Variants in SDK1 observed in about 807,000 individuals in gnomAD.
SDK1 encodes sidekick cell adhesion molecule 1.
Under a neutral mutation model 245.5 loss-of-function variants are expected in SDK1, and 157 were observed. The observed-to-expected ratio is 0.64, with a 90% confidence interval of 0.56 to 0.73. The LOEUF is 0.73. Among genes scored for constraint, SDK1 ranks in the 30% least tolerant of loss-of-function variants. The pLI, the probability that SDK1 is intolerant of heterozygous loss-of-function variation, is 0.00. For synonymous variants in SDK1, 1,647 were observed against 1,278.5 expected (o/e 1.29, Z -6.15); for missense variants, 3,583 against 3,002.3 (o/e 1.19, Z -4.52).
At chr7:3,547,076 T>C (rs1165244239) in intron 1 of SDK1, among the ~76,000 whole-genome samples, 1 of 152,176 alleles carries the variant, frequency 6.6e-6, no homozygotes, top group Non-Finnish European at 1.5e-5. Flanking sequence ...CATTTTTCTT[T>C]TAAGGTGTGT....
chr7:3,402,179 G>C (rs1330332893), intron 1 of SDK1, among the ~76,000 whole-genome samples: 2 of 152,164 alleles, frequency 1.3e-5, no homozygotes, highest in African/African-American at 4.8e-5. Flanking sequence ...ATGTGGCTCA[G>C]TATCCTGCAC....
At chr7:4,215,397 G>C (rs990662253) in intron 38 of SDK1, among the ~76,000 whole-genome samples, 2 of 152,246 alleles carry the variant, frequency 1.3e-5, no homozygotes, top group Non-Finnish European at 2.9e-5. Context: ...GCTTCAGCCA[G>C]CGGGACAATA....
chr7:3,742,560 G>C (rs1404273252), intron 4 of SDK1, among the ~76,000 whole-genome samples: 1 of 152,112 alleles, frequency 6.6e-6, no homozygotes, highest in Non-Finnish European at 1.5e-5. Flanking sequence ...ACCCCTAGAA[G>C]TTCAAAGTCC....
At chr7:4,019,113 G>A (rs1297436316) in intron 17 of SDK1, among the ~76,000 whole-genome samples, 2 of 152,092 alleles carry the variant, frequency 1.3e-5, no homozygotes, top group Non-Finnish European at 2.9e-5. Context: ...ACAGGAACAG[G>A]CCCAGTGCCT....
At chr7:3,425,158 C>G (rs1313451888) in intron 1 of SDK1, among the ~76,000 whole-genome samples, 2 of 147,556 alleles carry the variant, frequency 1.4e-5, no homozygotes, top group Admixed American at 6.8e-5. Flanking sequence ...GTAAGAACTA[C>G]AAAACTGAAA....
chr7:3,619,496 A>C (rs141527518), intron 2 of SDK1, among the ~76,000 whole-genome samples: 1 of 152,240 alleles, frequency 6.6e-6, no homozygotes, highest in Non-Finnish European at 1.5e-5. Flanking sequence ...ACAAAAACCT[A>C]TGGTTACAGA....
chr7:4,132,295 G>A, intron 27 of SDK1, 30 bp from the exon 28 acceptor site: 1 of 1,563,748 alleles, frequency 6.4e-7, no homozygotes, highest in African/African-American at 1.3e-5. Flanking sequence ...ACTGTCTTGA[G>A]ATCTGAATCC....
chr7:3,359,418 G>C (rs1562439316), intron 1 of SDK1, among the ~76,000 whole-genome samples: 1 of 152,144 alleles, frequency 6.6e-6, no homozygotes, highest in Non-Finnish European at 1.5e-5. Context: ...GAGAAATATG[G>C]CCAATATCTT....
chr7:3,368,770 AATGAG>A (rs1781152928), intron 1 of SDK1, among the ~76,000 whole-genome samples: 1 of 152,224 alleles, frequency 6.6e-6, no homozygotes, highest in Non-Finnish European at 1.5e-5. Context: ...AGGAGGGCTG[AATGAG>A]ATAACACAAA....
chr7:4,055,207 G>C (rs575209630), intron 19 of SDK1, among the ~76,000 whole-genome samples: 1 of 152,308 alleles, frequency 6.6e-6, no homozygotes, highest in South Asian at 2.1e-4. Flanking sequence ...GAATTTTCCA[G>C]TGAAACTCTC....
chr7:3,799,905 A>T (rs986260824), intron 4 of SDK1, among the ~76,000 whole-genome samples: 14 of 152,024 alleles, frequency 9.2e-5, no homozygotes, highest in African/African-American at 3.1e-4. Flanking sequence ...AATTTATTCT[A>T]TGCTTTTCTT....
chr7:3,792,005 G>A (rs1263280351), intron 4 of SDK1, among the ~76,000 whole-genome samples: 3 of 152,086 alleles, frequency 2.0e-5, no homozygotes, highest in Non-Finnish European at 4.4e-5. Flanking sequence ...GTTCATGCCT[G>A]TAGTCCCAGC....
At chr7:3,654,843 C>T (rs1783113217) in intron 4 of SDK1, among the ~76,000 whole-genome samples, 1 of 152,172 alleles carries the variant, frequency 6.6e-6, no homozygotes, top group Non-Finnish European at 1.5e-5. Flanking sequence ...TAAAATACTT[C>T]ATTTCACATG....
intron 22 of SDK1, among the ~76,000 whole-genome samples, chr7:4,082,096 G>T (rs1482190754): frequency 6.6e-6 from 1 of 152,194 alleles, no homozygotes; most frequent in Non-Finnish European, 1.5e-5. Context: ...TGGGACCCTT[G>T]TGGTTACTTA....
At chr7:3,597,575 G>C (rs1388638445) in intron 1 of SDK1, among the ~76,000 whole-genome samples, 1 of 152,158 alleles carries the variant, frequency 6.6e-6, no homozygotes, top group East Asian at 1.9e-4. Flanking sequence ...TCCCATTTTA[G>C]GAGGAAAATA....
At chr7:4,009,160 G>C (rs762043255) in intron 14 of SDK1, among the ~76,000 whole-genome samples, 1 of 152,170 alleles carries the variant, frequency 6.6e-6, no homozygotes, top group Admixed American at 6.5e-5. Context: ...CTGTTTTCAC[G>C]GAAGTTCAAA....
At chr7:4,082,294 A>C (rs1483295908) in intron 22 of SDK1, among the ~76,000 whole-genome samples, 1 of 152,126 alleles carries the variant, frequency 6.6e-6, no homozygotes, top group East Asian at 1.9e-4. Flanking sequence ...TCCACACTTT[A>C]GGAGACCAAG....
At chr7:3,919,395 G>A (rs889291071) in intron 5 of SDK1, among the ~76,000 whole-genome samples, 8 of 152,206 alleles carry the variant, frequency 5.3e-5, no homozygotes, top group African/African-American at 1.4e-4. Flanking sequence ...ATCTACTGCT[G>A]CAGGTCAGGC....
At chr7:3,579,073 C>T (rs1345290897) in intron 1 of SDK1, among the ~76,000 whole-genome samples, 1 of 151,916 alleles carries the variant, frequency 6.6e-6, no homozygotes, top group Non-Finnish European at 1.5e-5. Context: ...TTTGGTGTCC[C>T]TGACTTCCTG....
Sources: gnomAD v4.1 joint callset for allele counts (sites outside exome capture counted in the v4.1 genomes callset) on GRCh38, gnomAD v4.1.1 for gene constraint, MANE v1.5 for transcripts, NCBI Gene and HGNC (gene_info 2026-07-23, HGNC 2026-07-21) for gene names.